Variants in STRN observed in about 807,000 individuals in gnomAD.
STRN encodes protein phosphatase 2 regulatory subunit B'''alpha.
In STRN, 53 loss-of-function variants were observed where a neutral mutation model predicts 96.3. The ratio of observed to expected loss-of-function variants is 0.55; its 90% CI spans 0.44 to 0.69. The LOEUF (loss-of-function observed/expected upper bound fraction) is 0.69. Ranked by LOEUF, STRN falls within the 30% of genes least tolerant of loss-of-function variation. STRN has a pLI of 0.00. For missense variants in STRN, 987 were observed against 963.9 expected, an observed-to-expected ratio of 1.02 and a Z score of -0.32; for synonymous variants, 428 against 355.9, an observed-to-expected ratio of 1.20 and a Z score of -2.28.
rs1572695833 is a variant in STRN at position 36,948,689 on chromosome 2, T to G, written c.234+17541A>C. Among the ~76,000 whole-genome samples, 5 of 152,306 alleles carry G rather than the reference T, an allele frequency of 3.3e-5. No individual in the cohort carries two copies. In the East Asian group the frequency reaches 9.6e-4, roughly 29 times the overall value. On this transcript the variant is annotated intron_variant, in intron 1 of 17. Transcript: ENST00000263918. The stretch of plus-strand genomic sequence containing the variant: ...GACGCTCAATAAATATTTGTTAAAT[T>G]GACTGAACAGATTTATAAGAAGCAA...
At chr2:36,857,617 G>A (rs1013068080) in intron 14 of STRN, among the ~76,000 whole-genome samples, 6 of 151,912 alleles carry the variant, frequency 3.9e-5, no homozygotes, top group East Asian at 1.9e-4. Flanking sequence ...CCGAGATTGC[G>A]CCACTGCACT....
chr2:36,958,067 G>A (rs1394143057), intron 1 of STRN, among the ~76,000 whole-genome samples: 1 of 151,800 alleles, frequency 6.6e-6, no homozygotes. Context: ...TTACAAGCAT[G>A]TGCCAACACA....
chr2:36,855,121 T>C lies in STRN; in HGVS notation c.1978+91A>G, dbSNP rs186853852. ...AGTTAAGAGACAGAAAGCTTTATAA[T>C]GACAAATATTTTTCACAGCTGACTC... On this transcript the variant is annotated intron_variant, in intron 15 of 17. Transcript: ENST00000263918. 3.6e-5 allele frequency: 48 copies of C among 1,334,544 alleles called. 1 individual carries two copies. The Admixed American group carries it at 8.0e-4, about 22-fold the overall frequency. 82.7% of individuals were successfully genotyped at this position (1,334,544 alleles called of 1,614,324 possible). A position where few individuals can be genotyped will look rare whatever the true frequency, so the allele number is the denominator to read the frequency against.
chr2:36,932,433 G>A (rs771219890), intron 1 of STRN, among the ~76,000 whole-genome samples: 10 of 152,158 alleles, frequency 6.6e-5, no homozygotes, highest in South Asian at 2.1e-4. Context: ...GGGATTACAC[G>A]CGTGAGCCAC....
chr2:36,957,002 A>AT (rs1396044694), intron 1 of STRN, among the ~76,000 whole-genome samples: 12 of 152,224 alleles, frequency 7.9e-5, no homozygotes, highest in African/African-American at 2.7e-4. Flanking sequence ...GGCCAAAATA[A>AT]AAGGGAAAAT....
chr2:36,936,781 G>A (rs549657275), intron 1 of STRN, among the ~76,000 whole-genome samples: 1 of 152,250 alleles, frequency 6.6e-6, no homozygotes, highest in East Asian at 1.9e-4. Flanking sequence ...CCCAGAAATA[G>A]CATTCTGAAA....
chr2:36,875,446 C>T (rs769631311), intron 10 of STRN, among the ~76,000 whole-genome samples: 5 of 127,404 alleles, frequency 3.9e-5, no homozygotes, highest in Non-Finnish European at 7.8e-5. Context: ...GTCAAGGCTA[C>T]AGTGAGCTGT....
chr2:36,910,502 C>T (rs986528206), intron 3 of STRN, among the ~76,000 whole-genome samples: 1 of 152,114 alleles, frequency 6.6e-6, no homozygotes, highest in African/African-American at 2.4e-5. Flanking sequence ...GGTTATTGTA[C>T]TATCCATGAA....
At chr2:36,938,080 TAAAAGGA>T (rs1670751798) in intron 1 of STRN, among the ~76,000 whole-genome samples, 1 of 152,102 alleles carries the variant, frequency 6.6e-6, no homozygotes, top group South Asian at 2.1e-4. Flanking sequence ...ATTAATTTTA[TAAAAGGA>T]AAAAGTGTTA....
intron 1 of STRN, among the ~76,000 whole-genome samples, chr2:36,947,768 A>G (rs1664621072): frequency 1.3e-5 from 2 of 151,800 alleles, no homozygotes; most frequent in Admixed American, 6.6e-5. Flanking sequence ...CTCAACTACA[A>G]ATTAAAAAGT....
intron 12 of STRN, among the ~76,000 whole-genome samples, chr2:36,862,951 CT>C (rs1344486646): frequency 6.6e-6 from 1 of 152,106 alleles, no homozygotes; most frequent in Non-Finnish European, 1.5e-5. Flanking sequence ...TCTTGATCTC[CT>C]GACCTCATGA....
At chr2:36,919,785 T>A (rs1670202025) in intron 2 of STRN, among the ~76,000 whole-genome samples, 1 of 152,196 alleles carries the variant, frequency 6.6e-6, no homozygotes, top group Admixed American at 6.5e-5. Flanking sequence ...AGAGAAATTT[T>A]AAAAATGGCA....
Position 36,884,053 on chromosome 2 carries a change from T to G in STRN, c.1065A>C (p.Gln355His). ...GVKRPNRSKL[Q>H]DMLANLRDVD... ...CATCTCTCAAATTAGCAAGCATATCTTGTAGTTTTGACCTATTGGGCCCTA... is the reference window on the plus strand; with the variant it reads ...CATCTCTCAAATTAGCAAGCATATCGTGTAGTTTTGACCTATTGGGCCCTA... The change falls in exon 9 of 18, where the codon CAA (glutamine) becomes CAC (histidine). Residue 355 changes from glutamine (Q) to histidine (H), a missense_variant. By Grantham distance (24) the Gln-to-His change is conservative. Coordinates refer to ENST00000263918, the MANE Select transcript of STRN (RefSeq NM_003162.4). 1.4e-6 allele frequency: 2 copies of G among 1,392,802 alleles called. No individual in the cohort carries two copies. The allele number at this position is 1,392,802 out of a possible 1,614,324, so 86.3% of individuals were successfully genotyped here.
At chr2:36,957,342 C>T (rs4016036) in intron 1 of STRN, among the ~76,000 whole-genome samples, 89,023 of 152,110 alleles carry the variant, frequency 0.59, 27,908 homozygotes, top group African/African-American at 0.82. Context: ...AATTCCAGCA[C>T]TTTGGGAGGC....
At chr2:36,906,831 C>A (rs1669833284) in intron 3 of STRN, among the ~76,000 whole-genome samples, 1 of 151,892 alleles carries the variant, frequency 6.6e-6, no homozygotes, top group South Asian at 2.1e-4. Context: ...TGAGGCAGGA[C>A]AACCCCTTGA....
intron 15 of STRN, among the ~76,000 whole-genome samples, chr2:36,852,259 A>C (rs1668239439): frequency 6.6e-6 from 1 of 152,242 alleles, no homozygotes; most frequent in African/African-American, 2.4e-5. Context: ...AGAAAAGAAA[A>C]ACTGACATAA....
In STRN at chr2:36,839,020, C is replaced by T. The variant is rs2717513; in HGVS notation, c.*10436G>A. On this transcript the variant is annotated 3_prime_UTR_variant, in exon 18 of 18. Coordinates refer to ENST00000263918, the MANE Select transcript of STRN (RefSeq NM_003162.4). ...ATTATATTAGAAAAAGCAAGTGCAGCATAATATGTAGAATAAAACCCCATA... is the reference window on the plus strand; with the variant it reads ...ATTATATTAGAAAAAGCAAGTGCAGTATAATATGTAGAATAAAACCCCATA... Among the ~76,000 whole-genome samples the T allele has an allele frequency of 0.95, 144,790 of 152,284 alleles. 69,272 individuals are homozygous for T. The highest frequency in any genetic ancestry group is 1 in the East Asian group (5,190 of 5,190).
At chr2:36,894,196 T>C (rs942147217) in intron 6 of STRN, among the ~76,000 whole-genome samples, 163 bp from the exon 7 acceptor site, 1 of 152,222 alleles carries the variant, frequency 6.6e-6, no homozygotes, top group African/African-American at 2.4e-5. Flanking sequence ...ATGTACATTA[T>C]AAATTTTAAA....
intron 1 of STRN, among the ~76,000 whole-genome samples, chr2:36,948,918 G>A (rs1474157146): frequency 6.6e-6 from 1 of 152,186 alleles, no homozygotes. Context: ...GACAAAAAAA[G>A]CAGGTATGAT....
Sources: gnomAD v4.1 joint callset for allele counts (sites outside exome capture counted in the v4.1 genomes callset) on GRCh38, gnomAD v4.1.1 for gene constraint, MANE v1.5 for transcripts, NCBI Gene and HGNC (gene_info 2026-07-23, HGNC 2026-07-21) for gene names.